Variants in RNF152 observed in about 807,000 individuals in gnomAD.
RNF152 encodes the protein ring finger protein 152.
In RNF152, 11 loss-of-function variants were observed where a neutral mutation model predicts 12.7. The ratio of observed to expected loss-of-function variants is 0.86; its 90% CI spans 0.54 to 1.43. The LOEUF (loss-of-function observed/expected upper bound fraction) is 1.43. Ranked by LOEUF, RNF152 falls within the 40% of genes most tolerant of loss-of-function variation. RNF152 has a pLI of 0.00. For missense variants in RNF152, 255 were observed against 274.8 expected, an observed-to-expected ratio of 0.93 and a Z score of 0.51; for synonymous variants, 113 against 120.3, an observed-to-expected ratio of 0.94 and a Z score of 0.40.
chr18:61,885,317 T>C (rs1340331639), intron 1 of RNF152, among the ~76,000 whole-genome samples: 1 of 151,936 alleles, frequency 6.6e-6, no homozygotes, highest in African/African-American at 2.4e-5. Flanking sequence ...GTGTTTTGTT[T>C]GTTTGTTTGA....
chr18:61,874,635 T>G (rs918136025), intron 1 of RNF152, among the ~76,000 whole-genome samples: 7 of 152,198 alleles, frequency 4.6e-5, no homozygotes, highest in African/African-American at 1.2e-4. Flanking sequence ...TATCGGAGTT[T>G]ATCAATTATA....
rs1912807176 is a variant in RNF152 at position 61,808,610 on chromosome 18, G to A, written c.*7242C>T. 6.6e-6 allele frequency: 1 copy of A among 152,080 alleles called. No homozygotes were observed. The highest frequency in any genetic ancestry group is 2.4e-5 in the African/African-American group (1 of 41,394). The allele number at this position is 152,080 out of a possible 1,614,324, so 9.4% of individuals were successfully genotyped here. A position where few individuals can be genotyped will look rare whatever the true frequency, so the allele number is the denominator to read the frequency against. On this transcript the variant is annotated 3_prime_UTR_variant, in exon 2 of 2. Coordinates refer to ENST00000312828, the MANE Select transcript of RNF152 (RefSeq NM_173557.3). ...TGGCTTATGTAGGGAGTTTGTAACA[G>A]CCCCAAGCTGAAACCAGCTTCTACA...
intron 1 of RNF152, among the ~76,000 whole-genome samples, chr18:61,855,869 G>A (rs1201832657): frequency 6.6e-6 from 1 of 152,182 alleles, no homozygotes; most frequent in Non-Finnish European, 1.5e-5. Context: ...GACTCCCAGA[G>A]GATCCCGTGA....
chr18:61,816,495 G>C lies in RNF152; in HGVS notation c.-32C>G, dbSNP rs773968202. On this transcript the variant is annotated 5_prime_UTR_variant, in exon 2 of 2. Coordinates refer to ENST00000312828, the MANE Select transcript of RNF152 (RefSeq NM_173557.3). ...CCGTGAGCAGGAAGGGCAAGGCCAA[G>C]GTGAAGGGGAAGGAGCTGCTTCTCA... 4.5e-6 allele frequency: 7 copies of C among 1,569,584 alleles called. No homozygotes were observed. The Admixed American group carries it at 1.2e-4, about 27-fold the overall frequency.
In RNF152 at chr18:61,823,027, G is replaced by T. The variant is rs532145738; in HGVS notation, c.-135-6429C>A. 4.6e-5 allele frequency among the ~76,000 whole-genome samples: 7 copies of T among 152,324 alleles called. No homozygotes were observed. In the East Asian group the frequency reaches 1.2e-3, roughly 25 times the overall value. On this transcript the variant is annotated intron_variant, in intron 1 of 1. Transcript: ENST00000312828. ...ATCTTAGCAAACACTCCAATTAGTGGCAAGAATGGGAATGCCCGGTGACAG... is the reference window on the plus strand; with the variant it reads ...ATCTTAGCAAACACTCCAATTAGTGTCAAGAATGGGAATGCCCGGTGACAG...
chr18:61,876,587 T>C (rs1912222897), intron 1 of RNF152, among the ~76,000 whole-genome samples: 2 of 152,240 alleles, frequency 1.3e-5, no homozygotes, highest in South Asian at 4.1e-4. Context: ...TGTGGCAGCA[T>C]ACTGCAGTGG....
At chr18:61,826,413 C>T (rs530985689) in intron 1 of RNF152, among the ~76,000 whole-genome samples, 3 of 152,260 alleles carry the variant, frequency 2.0e-5, no homozygotes, top group South Asian at 2.1e-4. Context: ...TCTTATCTCC[C>T]GTTTGAACTC....
Position 61,816,332 on chromosome 18 carries a change from G to T in RNF152, c.132C>A (p.Thr44=), listed in dbSNP as rs772134825. The T allele has an allele frequency of 1.2e-6, 2 of 1,614,114 alleles. No homozygotes were observed. The highest frequency in any genetic ancestry group is 3.3e-5 in the Admixed American group (2 of 60,012). Residue 44 remains threonine (T), a synonymous_variant, in exon 2 of 2, where the codon ACC becomes ACA. Transcript: ENST00000312828. The part of the protein sequence containing the change: ...CCSVCLQQMR[T]SQKDVRCPWC... ...AGGGGCACCGCACATCCTTCTGGCT[G>T]GTCCTCATCTGCTGCAGGCACACTG...
chr18:61,848,979 CT>C (rs1252180129), intron 1 of RNF152, among the ~76,000 whole-genome samples: 1 of 152,150 alleles, frequency 6.6e-6, no homozygotes, highest in African/African-American at 2.4e-5. Context: ...ATCCTGGACT[CT>C]GCACCAGCCC....
At chr18:61,860,760 G>A (rs1262568451) in intron 1 of RNF152, among the ~76,000 whole-genome samples, 4 of 152,176 alleles carry the variant, frequency 2.6e-5, no homozygotes, top group Non-Finnish European at 4.4e-5. Flanking sequence ...GCTGTCACAG[G>A]AAATAACAGC....
At chr18:61,822,081 G>T (rs184070318) in intron 1 of RNF152, among the ~76,000 whole-genome samples, 22 of 152,088 alleles carry the variant, frequency 1.4e-4, no homozygotes, top group Admixed American at 1.4e-3. Flanking sequence ...TACTTCAGTA[G>T]AATGCATAAG....
At chr18:61,853,789 A>C (rs1911095796) in intron 1 of RNF152, among the ~76,000 whole-genome samples, 1 of 152,190 alleles carries the variant, frequency 6.6e-6, no homozygotes, top group African/African-American at 2.4e-5. Flanking sequence ...AACATCCTTA[A>C]CCTAATCACT....
At chr18:61,847,955 C>A (rs1467658692) in intron 1 of RNF152, among the ~76,000 whole-genome samples, 1 of 152,170 alleles carries the variant, frequency 6.6e-6, no homozygotes, top group Non-Finnish European at 1.5e-5. Context: ...GCTCTCACCA[C>A]ACTCACGCTT....
At position 61,811,480 on chromosome 18, in the gene RNF152, G is replaced by A. The variant is rs1912976540; in HGVS notation, c.*4372C>T. The A allele has an allele frequency of 2.0e-5, 3 of 152,118 alleles. No individual in the cohort carries two copies. In the South Asian group the frequency reaches 6.2e-4, roughly 32 times the overall value. 9.4% of individuals were successfully genotyped at this position (152,118 alleles called of 1,614,324 possible). A position where few individuals can be genotyped will look rare whatever the true frequency, so the allele number is the denominator to read the frequency against. On this transcript the variant is annotated 3_prime_UTR_variant, in exon 2 of 2. Coordinates refer to ENST00000312828, the MANE Select transcript of RNF152 (RefSeq NM_173557.3). Reference sequence around the variant, plus strand: ...ATCTTCAACTCTTTCAGGGATAACTGAAATTTTTGCTTAAAAAAGAAAGAC... The same window carrying A: ...ATCTTCAACTCTTTCAGGGATAACTAAAATTTTTGCTTAAAAAAGAAAGAC...
rs1461730047 is a variant in RNF152, at chr18:61,812,448, A to G, written c.*3404T>C. The G allele has an allele frequency of 6.6e-6, 1 of 152,220 alleles. No homozygotes were observed. Among genetic ancestry groups the G allele is most frequent in the East Asian group, 1.9e-4 (1 of 5,198 alleles). The allele number at this position is 152,220 out of a possible 1,614,324, so 9.4% of individuals were successfully genotyped here. A position where few individuals can be genotyped will look rare whatever the true frequency, so the allele number is the denominator to read the frequency against. ...AAATTAAACTTAATTCTATTTTTAA[A>G]GAAAACATCTTAGAGCTTTCTGATC... is the stretch of plus-strand genomic sequence containing the variant. On this transcript the variant is annotated 3_prime_UTR_variant, in exon 2 of 2. Transcript: ENST00000312828.
intron 1 of RNF152, among the ~76,000 whole-genome samples, chr18:61,855,622 G>T (rs1287169776): frequency 6.6e-6 from 1 of 152,246 alleles, no homozygotes; most frequent in Non-Finnish European, 1.5e-5. Flanking sequence ...AGCGCCTGGA[G>T]CTGCCTGCCC....
At chr18:61,861,781 G>A (rs1307521803) in intron 1 of RNF152, among the ~76,000 whole-genome samples, 1 of 152,176 alleles carries the variant, frequency 6.6e-6, no homozygotes, top group Non-Finnish European at 1.5e-5. Flanking sequence ...GAGGAAGCAA[G>A]GGTGAGGAGG....
intron 1 of RNF152, among the ~76,000 whole-genome samples, chr18:61,872,254 A>G (rs1407736438): frequency 6.6e-6 from 1 of 152,146 alleles, no homozygotes; most frequent in African/African-American, 2.4e-5. Context: ...CCATGATCCA[A>G]TCACCTTTCA....
At chr18:61,828,251 T>C (rs201511657) in intron 1 of RNF152, among the ~76,000 whole-genome samples, 1 of 83,276 alleles carries the variant, frequency 1.2e-5, no homozygotes, top group Non-Finnish European at 3.5e-5. Context: ...TTCCTTCCTT[T>C]CTTTTTTAAG....
Sources: allele counts gnomAD v4.1 joint callset (sites outside exome capture counted in the v4.1 genomes callset), GRCh38; gene constraint gnomAD v4.1.1; transcripts MANE v1.5; gene names NCBI Gene and HGNC (gene_info 2026-07-23, HGNC 2026-07-21).